ATP13A5: variants seen among roughly 807,000 people sequenced by gnomAD.
The protein encoded by ATP13A5 is probable cation-transporting ATPase 13A5.
ATP13A5 carries 149 observed loss-of-function variants against 150.2 expected under a neutral mutation model. The observed-to-expected ratio is 0.99, with a 90% CI of 0.87 to 1.14. The LOEUF (loss-of-function observed/expected upper bound fraction) is 1.14, where lower values mean the gene tolerates loss of function less well. Ranked by LOEUF, ATP13A5 falls within the 50% of genes most tolerant of loss-of-function variation. The pLI, the probability that ATP13A5 is intolerant of heterozygous loss-of-function variation, is 0.00. For missense variants in ATP13A5, 1,383 were observed against 1,449.3 expected, an observed-to-expected ratio of 0.95 and a Z score of 0.74; for synonymous variants, 497 against 522.2, an observed-to-expected ratio of 0.95 and a Z score of 0.66.
At chr3:193,361,738 A>G (rs147665557) in intron 5 of ATP13A5, among the ~76,000 whole-genome samples, 72 of 152,298 alleles carry the variant, frequency 4.7e-4, no homozygotes, top group African/African-American at 1.7e-3. Context: ...ATAGGTACCA[A>G]TCTCATGATT....
rs775610051 is a variant in ATP13A5, at chr3:193,321,667, A to G, written c.1915+14T>C. ...AAAAGTATTTTACTTCTTGAAAGAGAAAAGTGTTAGTACCTGTTTCAGATC... is the reference window on the plus strand; with the variant it reads ...AAAAGTATTTTACTTCTTGAAAGAGGAAAGTGTTAGTACCTGTTTCAGATC... On this transcript the variant is annotated intron_variant, in intron 16 of 29. Coordinates refer to ENST00000342358, the MANE Select transcript of ATP13A5 (RefSeq NM_198505.4). 2.5e-6 allele frequency: 4 copies of G among 1,611,852 alleles called. No homozygotes were observed. The highest frequency in any genetic ancestry group is 3.4e-6 in the Non-Finnish European group (4 of 1,178,692).
chr3:193,357,040 C>A (rs1052325872), intron 5 of ATP13A5, among the ~76,000 whole-genome samples: 13 of 152,008 alleles, frequency 8.6e-5, no homozygotes, highest in Non-Finnish European at 1.5e-5. Flanking sequence ...GGTCTCAAAC[C>A]CCTGACCTCG....
In ATP13A5 at chr3:193,314,110, C is replaced by T. The variant is rs79270190; in HGVS notation, c.2242G>A (p.Asp748Asn). ...GCAGGAACAAATTCTTCTGGTTCAT[C>T]GGCCTCAACAATGATCACTTGGCTG... ...PGSQVIIVEA[D>N]EPEEFVPASV... Residue 748 changes from aspartate to asparagine, a missense_variant, in exon 19 of 30, where the codon GAT (aspartate) becomes AAT (asparagine). By Grantham distance (23) the Asp-to-Asn change is conservative. Transcript: ENST00000342358. 5.4e-4 allele frequency: 866 copies of T among 1,613,938 alleles called. 2 individuals carry two copies. The highest frequency in any genetic ancestry group is 6.6e-4 in the Non-Finnish European group (782 of 1,179,886).
At chr3:193,331,815 C>G (rs1711639415) in intron 11 of ATP13A5, among the ~76,000 whole-genome samples, 1 of 152,140 alleles carries the variant, frequency 6.6e-6, no homozygotes, top group Admixed American at 6.5e-5. Context: ...TTTAGTTGCT[C>G]TCTATAACAA....
In ATP13A5 at chr3:193,331,175, G is replaced by T. The variant is rs1711613506; in HGVS notation, c.1409C>A (p.Ser470Tyr). The T allele has an allele frequency of 6.2e-7, 1 of 1,613,954 alleles. No individual in the cohort carries two copies. ...CCCACACATGTTGATTCTCTGTGGG[G>T]AGATACAGAAGATTTTCTTTTTCTT... Reference protein sequence around the residue: ...RLKKKKIFCISPQRINMCGQI... With the variant: ...RLKKKKIFCIYPQRINMCGQI... Residue 470 changes from serine (S) to tyrosine (Y), a missense_variant, in exon 12 of 30, where the codon TCC (serine) becomes TAC (tyrosine). Transcript: ENST00000342358.
intron 1 of ATP13A5, among the ~76,000 whole-genome samples, chr3:193,374,681 A>T (rs1246335514): frequency 6.6e-6 from 1 of 152,072 alleles, no homozygotes; most frequent in Admixed American, 6.5e-5. Context: ...ACACGCATAC[A>T]TAGTGCTATA....
intron 28 of ATP13A5, 49 bp from the exon 29 acceptor site, chr3:193,276,879 G>GA (rs1385995681): frequency 7.9e-7 from 1 of 1,269,312 alleles, no homozygotes; most frequent in Non-Finnish European, 1.1e-6. Flanking sequence ...TTCACACTTT[G>GA]AAAAAAGACC....
intron 7 of ATP13A5, among the ~76,000 whole-genome samples, chr3:193,348,863 A>G (rs569058364): frequency 1.1e-4 from 17 of 152,252 alleles, no homozygotes; most frequent in African/African-American, 4.1e-4. Context: ...GCTCAATGGG[A>G]CAGTGTGTAT....
intron 25 of ATP13A5, among the ~76,000 whole-genome samples, chr3:193,292,317 G>A (rs1717995575): frequency 6.6e-6 from 1 of 152,140 alleles, no homozygotes; most frequent in Non-Finnish European, 1.5e-5. Context: ...TGCAGGTAGT[G>A]GAGAGAGTAA....
intron 17 of ATP13A5, 51 bp downstream of exon 17, chr3:193,318,940 G>T: frequency 7.7e-7 from 1 of 1,303,412 alleles, no homozygotes; most frequent in Non-Finnish European, 1.1e-6. Flanking sequence ...TCCAGGACTC[G>T]CACTTCATGG....
chr3:193,291,523 A>G (rs1717953368), intron 25 of ATP13A5, among the ~76,000 whole-genome samples: 1 of 152,046 alleles, frequency 6.6e-6, no homozygotes, highest in African/African-American at 2.4e-5. Flanking sequence ...TTGTGTTAAG[A>G]TGACTCAGGA....
At chr3:193,289,829 T>A (rs1717874309) in intron 26 of ATP13A5, 56 bp downstream of exon 26, 2 of 1,485,156 alleles carry the variant, frequency 1.3e-6, no homozygotes, top group Non-Finnish European at 1.8e-6. Flanking sequence ...TTATGCAATG[T>A]CATTGGATAT....
intron 9 of ATP13A5, 55 bp from the exon 10 acceptor site, chr3:193,335,154 C>A: frequency 6.5e-7 from 1 of 1,542,398 alleles, no homozygotes; most frequent in Non-Finnish European, 8.9e-7. Flanking sequence ...TTGGTCAGAA[C>A]TGGTGCATGC....
At chr3:193,291,223 T>C (rs1331052202) in intron 25 of ATP13A5, among the ~76,000 whole-genome samples, 2 of 152,244 alleles carry the variant, frequency 1.3e-5, no homozygotes, top group East Asian at 3.9e-4. Flanking sequence ...TCTAAAGCTC[T>C]ATGACTAAGT....
chr3:193,331,258 G>T lies in ATP13A5; in HGVS notation c.1326C>A (p.Val442=). The T allele has an allele frequency of 6.2e-7, 1 of 1,614,044 alleles. No homozygotes were observed. The highest frequency in any genetic ancestry group is 8.5e-7 in the Non-Finnish European group (1 of 1,179,958). ...TMALILLTVT[V]PPVLPAALTI... ...TCAGGGCAGCTGGCAGCACTGGAGGGACAGTCACGGTGAGGAGGATCAGGG... is the reference window on the plus strand; with the variant it reads ...TCAGGGCAGCTGGCAGCACTGGAGGTACAGTCACGGTGAGGAGGATCAGGG... Residue 442 remains valine, a synonymous_variant, in exon 12 of 30, where the codon GTC becomes GTA. Coordinates refer to ENST00000342358, the MANE Select transcript of ATP13A5 (RefSeq NM_198505.4).
intron 2 of ATP13A5, among the ~76,000 whole-genome samples, chr3:193,363,778 C>T (rs1016095949): frequency 7.2e-5 from 11 of 152,156 alleles, no homozygotes; most frequent in African/African-American, 2.4e-4. Context: ...AACTGAATGA[C>T]CATTCCCATG....
At chr3:193,280,203 A>G (rs1199883963) in intron 27 of ATP13A5, among the ~76,000 whole-genome samples, 1 of 151,562 alleles carries the variant, frequency 6.6e-6, no homozygotes, top group Non-Finnish European at 1.5e-5. Context: ...GGCGCCCACC[A>G]CCATGCATGG....
intron 27 of ATP13A5, among the ~76,000 whole-genome samples, chr3:193,283,880 C>T (rs1253135129): frequency 1.3e-5 from 2 of 150,078 alleles, no homozygotes; most frequent in African/African-American, 4.9e-5. Flanking sequence ...TATCATGTAT[C>T]TAGTTTGCCT....
Position 193,364,159 on chromosome 3 carries a change from T to C in ATP13A5, c.185A>G (p.Asn62Ser). The C allele has an allele frequency of 6.2e-7, 1 of 1,614,032 alleles. No homozygotes were observed. The highest frequency in any genetic ancestry group is 1.7e-5 in the Admixed American group (1 of 60,000). ...YWRPQWRVWANCIPCPLQEAD... is the reference protein window; with the variant it reads ...YWRPQWRVWASCIPCPLQEAD... The stretch of plus-strand genomic sequence containing the variant: ...TTCTTGCAAGGGGCATGGGATGCAG[T>C]TGGCCCACACTCTCCACTGGGGTCT... Residue 62 changes from asparagine (N) to serine (S), a missense_variant, in exon 2 of 30, where the codon AAC (asparagine) becomes AGC (serine). By Grantham distance (46) the Asn-to-Ser change is conservative. Transcript: ENST00000342358.
Sources: gnomAD v4.1 joint callset for allele counts (sites outside exome capture counted in the v4.1 genomes callset) on GRCh38, gnomAD v4.1.1 for gene constraint, MANE v1.5 for transcripts, NCBI Gene and HGNC (gene_info 2026-07-23, HGNC 2026-07-21) for gene names.